RIMS2: variants seen among roughly 807,000 people sequenced by gnomAD.
The protein encoded by RIMS2 is regulating synaptic membrane exocytosis 2.
A neutral mutation model predicts 174.4 loss-of-function variants in RIMS2; 59 were observed. The observed-to-expected ratio is 0.34, with a 90% CI of 0.27 to 0.42. The LOEUF is 0.42. RIMS2 is among the 10% of genes least tolerant of loss of function. The pLI, the probability that RIMS2 is intolerant of heterozygous loss-of-function variation, is 1.00. For missense variants in RIMS2, 1,620 were observed against 1,666.3 expected, an observed-to-expected ratio of 0.97 and a Z score of 0.48; for synonymous variants, 606 against 572.5, an observed-to-expected ratio of 1.06 and a Z score of -0.84.
At chr8:103,515,002 T>C (rs1277881687) in intron 1 of RIMS2, among the ~76,000 whole-genome samples, 1 of 152,146 alleles carries the variant, frequency 6.6e-6, no homozygotes, top group East Asian at 1.9e-4. Flanking sequence ...TTTTATGCTA[T>C]TAGAATTTTG....
intron 2 of RIMS2, among the ~76,000 whole-genome samples, chr8:103,739,663 AC>A (rs2097735747): frequency 1.3e-5 from 2 of 152,192 alleles, no homozygotes; most frequent in Non-Finnish European, 2.9e-5. Context: ...TAGCTTTCTA[AC>A]TTTTGATCCA....
intron 2 of RIMS2, among the ~76,000 whole-genome samples, chr8:103,702,996 T>G (rs1275071848): frequency 6.6e-6 from 1 of 151,428 alleles, no homozygotes; most frequent in Non-Finnish European, 1.5e-5. Context: ...TTTTTTTTTT[T>G]TTTGAGACAA....
At chr8:103,863,260 A>G (rs2099067940) in intron 3 of RIMS2, among the ~76,000 whole-genome samples, 1 of 152,180 alleles carries the variant, frequency 6.6e-6, no homozygotes, top group African/African-American at 2.4e-5. Flanking sequence ...TACATGGTGA[A>G]TCACATTTAT....
chr8:104,097,612 A>C (rs1297388666), intron 19 of RIMS2, among the ~76,000 whole-genome samples: 1 of 80,864 alleles, frequency 1.2e-5, no homozygotes, highest in African/African-American at 5.0e-5. Context: ...AAGCAATAGC[A>C]AAAAAAAAAA....
chr8:103,910,956 T>C (rs1420290956), intron 5 of RIMS2, among the ~76,000 whole-genome samples: 3 of 152,240 alleles, frequency 2.0e-5, no homozygotes, highest in Non-Finnish European at 4.4e-5. Flanking sequence ...TAATTGGGTC[T>C]GTTTGCACAG....
chr8:103,835,042 A>T (rs2098865629), intron 3 of RIMS2, among the ~76,000 whole-genome samples: 1 of 150,888 alleles, frequency 6.6e-6, no homozygotes, highest in East Asian at 2.0e-4. Flanking sequence ...AAGTGCTGGG[A>T]TTACAGGCAT....
At position 103,725,606 on chromosome 8, in the gene RIMS2, T is replaced by C. The variant is rs116883657; in HGVS notation, c.387+28310T>C. On this transcript the variant is annotated intron_variant, in intron 2 of 23. Coordinates refer to ENST00000504942, the Ensembl canonical transcript of RIMS2. The stretch of plus-strand genomic sequence containing the variant: ...TATTATATGAATATGCCACAATTTG[T>C]TTATCCATTTTTCTGTTGCAGGACA... Among the ~76,000 whole-genome samples, 25 of 152,254 alleles carry C rather than the reference T, an allele frequency of 1.6e-4. No individual in the cohort carries two copies. The East Asian group carries it at 4.8e-3, about 29-fold the overall frequency.
Position 103,916,935 on chromosome 8 carries a change from GT to G in RIMS2, c.2036+401del, listed in dbSNP as rs1426037080. 2.0e-5 allele frequency among the ~76,000 whole-genome samples: 3 copies of G among 152,190 alleles called. No homozygotes were observed. The East Asian group carries it at 5.8e-4, about 29-fold the overall frequency. ...ATACAATTCCTACATAGAGGTAATAGTTTATGGAAAAACATGAAATCTTTTT... is the reference window on the plus strand; with the variant it reads ...ATACAATTCCTACATAGAGGTAATAGTTATGGAAAAACATGAAATCTTTTT... On this transcript the variant is annotated intron_variant, in intron 8 of 23. Coordinates refer to ENST00000504942, the Ensembl canonical transcript of RIMS2.
intron 1 of RIMS2, among the ~76,000 whole-genome samples, chr8:103,519,697 T>TCAGATCTC (rs1830681867): frequency 6.6e-6 from 1 of 151,558 alleles, no homozygotes; most frequent in African/African-American, 2.4e-5. Context: ...TTCTGATCTC[T>TCAGATCTC]CAGATCTCTC....
At chr8:103,868,178 A>G (rs970857831) in intron 3 of RIMS2, among the ~76,000 whole-genome samples, 4 of 152,068 alleles carry the variant, frequency 2.6e-5, no homozygotes, top group African/African-American at 4.8e-5. Context: ...GGATACGTAT[A>G]CATAAATTGG....
At chr8:103,607,390 T>C (rs2095157610) in intron 1 of RIMS2, among the ~76,000 whole-genome samples, 1 of 151,990 alleles carries the variant, frequency 6.6e-6, no homozygotes, top group South Asian at 2.1e-4. Context: ...CTGATGGGCT[T>C]CCCTTTGAGG....
chr8:103,675,033 C>T (rs2096790540), intron 1 of RIMS2, among the ~76,000 whole-genome samples: 1 of 152,154 alleles, frequency 6.6e-6, no homozygotes, highest in Non-Finnish European at 1.5e-5. Context: ...GCTTCAGCCT[C>T]CTGAGTAGCG....
At chr8:103,621,240 G>T (rs2095626952) in intron 1 of RIMS2, among the ~76,000 whole-genome samples, 1 of 152,168 alleles carries the variant, frequency 6.6e-6, no homozygotes, top group Non-Finnish European at 1.5e-5. Context: ...CAGCAGTTTT[G>T]CCACAAGAGT....
At chr8:104,187,406 T>C (rs2098974005) in intron 19 of RIMS2, among the ~76,000 whole-genome samples, 1 of 151,798 alleles carries the variant, frequency 6.6e-6, no homozygotes, top group Admixed American at 6.6e-5. Flanking sequence ...AGGCAAGTAG[T>C]GTCCTGCTGC....
intron 1 of RIMS2, among the ~76,000 whole-genome samples, chr8:103,642,104 T>C (rs1360696725): frequency 6.6e-6 from 1 of 152,170 alleles, no homozygotes; most frequent in African/African-American, 2.4e-5. Flanking sequence ...GTTGCATTTA[T>C]TGTACTTGTT....
intron 19 of RIMS2, among the ~76,000 whole-genome samples, chr8:104,027,533 C>T (rs983112745): frequency 2.6e-5 from 4 of 152,154 alleles, no homozygotes; most frequent in Non-Finnish European, 5.9e-5. Context: ...AAATCATCTT[C>T]TCTTTGTTGT....
At chr8:104,214,451 AT>A (rs963121595) in intron 19 of RIMS2, among the ~76,000 whole-genome samples, 5 of 150,574 alleles carry the variant, frequency 3.3e-5, no homozygotes, top group Admixed American at 6.6e-5. Flanking sequence ...TTATTGAAAG[AT>A]TTTTTTTTTC....
intron 19 of RIMS2, among the ~76,000 whole-genome samples, chr8:104,207,233 A>G (rs192851531): frequency 1.0e-3 from 158 of 152,298 alleles, no homozygotes; most frequent in African/African-American, 3.5e-3. Flanking sequence ...CCATTTTTCC[A>G]TCATGGATAA....
At chr8:103,920,768 T>C in intron 9 of RIMS2, 1 of 449,134 alleles carries the variant, frequency 2.2e-6, no homozygotes, top group Non-Finnish European at 4.5e-6. Flanking sequence ...GGCGGGCGGA[T>C]CACGAGGTCA....
Sources: allele counts gnomAD v4.1 joint callset (sites outside exome capture counted in the v4.1 genomes callset), GRCh38; gene constraint gnomAD v4.1.1; transcripts MANE v1.5; gene names NCBI Gene and HGNC (gene_info 2026-07-23, HGNC 2026-07-21).